The following ASAP2 variants were observed in gnomAD, a reference collection of about 807,000 sequenced individuals.
ASAP2 encodes the protein ArfGAP with SH3 domain, ankyrin repeat and PH domain 2, also known as arf-GAP with SH3 domain, ANK repeat and PH domain-containing protein 2.
Under a neutral mutation model 131.4 loss-of-function variants are expected in ASAP2, and 45 were observed. That is an observed-to-expected ratio of 0.34 (90% confidence interval 0.27 to 0.44). The LOEUF is 0.44. Ranked by LOEUF, ASAP2 falls within the 20% of genes least tolerant of loss-of-function variation. The probability of loss-of-function intolerance (pLI) is 1.00; values close to 1 mark genes in which losing one functional copy is unlikely to be tolerated. For synonymous variants in ASAP2, 510 were observed against 503.0 expected (o/e 1.01, Z -0.19); for missense variants, 1,011 against 1,297.0 (o/e 0.78, Z 3.39).
At chr2:9,401,531 T>G (rs1572649227) in intron 27 of ASAP2, 135 bp downstream of exon 27, 1 of 1,197,232 alleles carries the variant, frequency 8.4e-7, no homozygotes, top group Non-Finnish European at 1.2e-6. Flanking sequence ...CCTCCGCCCC[T>G]TAGCATCCTC....
rs957858577 is a variant in ASAP2, at chr2:9,389,244, C to T, written c.2383+698C>T. Among the ~76,000 whole-genome samples, 3 of 152,250 alleles carry T rather than the reference C, an allele frequency of 2.0e-5. No homozygotes were observed. The highest frequency in any genetic ancestry group is 4.4e-5 in the Non-Finnish European group (3 of 68,036). On this transcript the variant is annotated intron_variant, in intron 22 of 27. Transcript: ENST00000281419. This position sits in a 1 kb window ranked among gnomAD's most constrained non-coding sequence, Gnocchi z 4.7. The stretch of plus-strand genomic sequence containing the variant: ...AGGCAGGTCCGGCGAGTGACCCACT[C>T]AGCTCTGGGCTGAGCTCCAGTCGTG...
rs913813340 is a variant in ASAP2 at position 9,207,989 on chromosome 2, T to C, written c.126+759T>C. ...GCTAAGCAGTACGCTCTCCAGGTCC[T>C]GGGGAGAGGAACACGTAGGAACGAA... On this transcript the variant is annotated intron_variant, in intron 1 of 27. Transcript: ENST00000281419. The surrounding 1 kb of genome is among the most constrained non-coding windows in gnomAD (Gnocchi z 4.1). Among the ~76,000 whole-genome samples the C allele has an allele frequency of 2.0e-5, 3 of 152,146 alleles. No homozygotes were observed. The highest frequency in any genetic ancestry group is 6.5e-5 in the Admixed American group (1 of 15,280).
chr2:9,259,051 A>G (rs967706301), intron 1 of ASAP2, among the ~76,000 whole-genome samples: 1 of 152,132 alleles, frequency 6.6e-6, no homozygotes, highest in Non-Finnish European at 1.5e-5. Flanking sequence ...TCCCCTTAGC[A>G]GGGAAGGGAA....
rs1392621294 is a variant in ASAP2 at position 9,246,193 on chromosome 2, T to A, written c.127-33124T>A. ...CTGTATGGTTTCTCCAAACCCGTAC[T>A]CCTTAGACATTTAAAACAGGTGGAC... On this transcript the variant is annotated intron_variant, in intron 1 of 27. Transcript: ENST00000281419. Among the ~76,000 whole-genome samples, 9 of 152,218 alleles carry A rather than the reference T, an allele frequency of 5.9e-5. No homozygotes were observed. The East Asian group carries it at 1.7e-3, about 29-fold the overall frequency.
At chr2:9,246,855 T>C (rs1664372212) in intron 1 of ASAP2, among the ~76,000 whole-genome samples, 1 of 152,152 alleles carries the variant, frequency 6.6e-6, no homozygotes, top group Non-Finnish European at 1.5e-5. Flanking sequence ...TTTTTTGTTT[T>C]GTTTGAGACA....
chr2:9,289,196 T>C (rs1275641560), intron 2 of ASAP2, among the ~76,000 whole-genome samples: 1 of 152,208 alleles, frequency 6.6e-6, no homozygotes, highest in African/African-American at 2.4e-5. Flanking sequence ...AAGTTCCTCA[T>C]CTCTGGCTCC....
chr2:9,315,874 TG>T (rs1399964853), intron 3 of ASAP2, among the ~76,000 whole-genome samples: 1 of 152,198 alleles, frequency 6.6e-6, no homozygotes, highest in Non-Finnish European at 1.5e-5. Flanking sequence ...TGAGAAATGT[TG>T]AGTTGTTTAA....
chr2:9,357,586 G>A (rs1672804918), intron 14 of ASAP2, among the ~76,000 whole-genome samples: 1 of 152,200 alleles, frequency 6.6e-6, no homozygotes, highest in Non-Finnish European at 1.5e-5. Flanking sequence ...GACAGTCTAT[G>A]ATTTGGGTGT....
At chr2:9,395,470 C>T (rs192526015) in intron 24 of ASAP2, among the ~76,000 whole-genome samples, 1 of 151,778 alleles carries the variant, frequency 6.6e-6, no homozygotes, top group East Asian at 1.9e-4. Flanking sequence ...AATGAAACTC[C>T]ATCTCAAAAA....
intron 1 of ASAP2, among the ~76,000 whole-genome samples, chr2:9,257,082 GT>G (rs1558271883): frequency 6.6e-6 from 1 of 152,220 alleles, no homozygotes; most frequent in East Asian, 1.9e-4. Context: ...GTCACAGGGC[GT>G]TTGGTAGAAA....
At position 9,217,700 on chromosome 2, in the gene ASAP2, C is replaced by T. The variant is rs1283345865; in HGVS notation, c.126+10470C>T. Among the ~76,000 whole-genome samples, 5 of 151,768 alleles carry T rather than the reference C, an allele frequency of 3.3e-5. No individual in the cohort carries two copies. Among genetic ancestry groups the T allele is most frequent in the Non-Finnish European group, 5.9e-5 (4 of 67,962 alleles). ...CACAATCTCGGCTCACTGCAAGCTC[C>T]GCCTCCTGGGTTCACGCCATTCTTC... On this transcript the variant is annotated intron_variant, in intron 1 of 27. Coordinates refer to ENST00000281419, the MANE Select transcript of ASAP2 (RefSeq NM_003887.3). This position sits in a 1 kb window ranked among gnomAD's most constrained non-coding sequence, Gnocchi z 4.0.
In ASAP2 at chr2:9,335,095, C is replaced by T; in HGVS notation, c.765C>T (p.Ile255=). Reference sequence around the variant, plus strand: ...GTTGTGTGTGTGTGTTTTTAAAGATCAAACAGGCCCAGGATGAAGAAAGAA... The same window carrying T: ...GTTGTGTGTGTGTGTTTTTAAAGATTAAACAGGCCCAGGATGAAGAAAGAA... The part of the protein sequence containing the change: ...IETLSTDLHT[I]KQAQDEERRQ... The change falls in exon 9 of 28, where the codon ATC becomes ATT. Residue 255 remains isoleucine, a splice_region_variant and synonymous_variant. Transcript: ENST00000281419. 6.2e-7 allele frequency: 1 copy of T among 1,613,896 alleles called. No homozygotes were observed. The highest frequency in any genetic ancestry group is 1.6e-4 in the Middle Eastern group (1 of 6,062).
chr2:9,393,541 T>C lies in ASAP2; in HGVS notation c.2578T>C (p.Leu860=), dbSNP rs1248586893. ...VAKTPSVMEA[L]SQPSKPAPPG... Reference sequence around the variant, plus strand: ...CAAGACGCCCAGCGTAATGGAAGCCTTGAGCCAGCCGAGCAAGCCTGCCCC... The same window carrying C: ...CAAGACGCCCAGCGTAATGGAAGCCCTGAGCCAGCCGAGCAAGCCTGCCCC... The change falls in exon 24 of 28, where the codon TTG becomes CTG. Residue 860 remains leucine (L), a synonymous_variant. Transcript: ENST00000281419. 2.2e-5 allele frequency: 35 copies of C among 1,595,094 alleles called. No individual in the cohort carries two copies. The highest frequency in any genetic ancestry group is 2.8e-5 in the Non-Finnish European group (33 of 1,172,092).
In ASAP2 at chr2:9,207,109, C is replaced by G; in HGVS notation, c.5C>G (p.Pro2Arg). The G allele has an allele frequency of 6.3e-7, 1 of 1,588,612 alleles. No homozygotes were observed. Among genetic ancestry groups the G allele is most frequent in the Non-Finnish European group, 8.6e-7 (1 of 1,168,752 alleles). ...CAGCGCCCTCGCGCCGAGGCGATGC[C>G]GGACCAGATCTCCGTGTCGGAATTC... Reference protein sequence around the residue: MPDQISVSEFVA... With the variant: MRDQISVSEFVA... Residue 2 changes from proline to arginine, a missense_variant, in exon 1 of 28, where the codon CCG becomes CGG. This residue lies in a region of ASAP2 where 359 missense variants were observed against 598.1 expected (regional missense o/e 0.60). Coordinates refer to ENST00000281419, the MANE Select transcript of ASAP2 (RefSeq NM_003887.3). This position sits in a 1 kb window ranked among gnomAD's most constrained non-coding sequence, Gnocchi z 4.1.
intron 21 of ASAP2, among the ~76,000 whole-genome samples, chr2:9,387,838 G>A (rs1416568201): frequency 6.6e-6 from 1 of 152,154 alleles, no homozygotes; most frequent in Non-Finnish European, 1.5e-5. Flanking sequence ...ACCTCCACAT[G>A]GCTGGGAAAC....
chr2:9,226,269 C>G (rs1391263572), intron 1 of ASAP2, among the ~76,000 whole-genome samples: 1 of 152,200 alleles, frequency 6.6e-6, no homozygotes, highest in East Asian at 1.9e-4. Flanking sequence ...AATAAAAGAT[C>G]ACCCACTTAT....
At chr2:9,213,116 T>C (rs1661716077) in intron 1 of ASAP2, among the ~76,000 whole-genome samples, 1 of 152,148 alleles carries the variant, frequency 6.6e-6, no homozygotes, top group African/African-American at 2.4e-5. Context: ...AGGAAAGTCA[T>C]GCATAACATG....
chr2:9,350,218 G>A (rs963397990), intron 11 of ASAP2, among the ~76,000 whole-genome samples: 1 of 152,070 alleles, frequency 6.6e-6, no homozygotes, highest in Non-Finnish European at 1.5e-5. Flanking sequence ...AGAGGGTTTG[G>A]GGGTTACAGA....
chr2:9,271,672 C>T (rs371196555), intron 1 of ASAP2: 22 of 646,988 alleles, frequency 3.4e-5, no homozygotes, highest in East Asian at 2.7e-4. Flanking sequence ...CTGCGGAAGA[C>T]GGCGGGCAGA....
Sources: gnomAD v4.1 joint callset for allele counts (sites outside exome capture counted in the v4.1 genomes callset) on GRCh38, gnomAD v4.1.1 for gene constraint, gnomAD v4.1.1 regional missense constraint, Gnocchi (gnomAD v3.1) non-coding constraint, MANE v1.5 for transcripts, NCBI Gene and HGNC (gene_info 2026-07-23, HGNC 2026-07-21) for gene names.